The following ASTN2 variants were observed in gnomAD, a reference collection of about 807,000 sequenced individuals.
The protein encoded by ASTN2 is astrotactin-2.
In ASTN2, 54 loss-of-function variants were observed where a neutral mutation model predicts 139.8. The observed-to-expected ratio is 0.39, with a 90% CI of 0.31 to 0.48. The LOEUF (loss-of-function observed/expected upper bound fraction) is 0.48, where lower values mean the gene tolerates loss of function less well. ASTN2 is among the 20% of genes least tolerant of loss of function. The pLI, the probability that ASTN2 is intolerant of heterozygous loss-of-function variation, is 0.95. For missense variants in ASTN2, 1,565 were observed against 1,725.1 expected (o/e 0.91, Z 1.64); for synonymous variants, 756 against 719.5 (o/e 1.05, Z -0.81).
intron 16 of ASTN2, among the ~76,000 whole-genome samples, chr9:116,717,902 C>A (rs1030825991): frequency 6.6e-6 from 1 of 152,148 alleles, no homozygotes; most frequent in African/African-American, 2.4e-5. Context: ...CATTTATGAC[C>A]CTCCCAGGCT....
chr9:116,607,455 A>C (rs1855264609), intron 19 of ASTN2, among the ~76,000 whole-genome samples: 2 of 152,160 alleles, frequency 1.3e-5, no homozygotes, highest in African/African-American at 2.4e-5. Flanking sequence ...CAATCTTCTG[A>C]ATGGCTACAG....
chr9:116,914,713 C>T lies in ASTN2; in HGVS notation c.1890-50980G>A, dbSNP rs186407956. Among the ~76,000 whole-genome samples the T allele has an allele frequency of 8.8e-4, 134 of 151,964 alleles. 1 individual carries two copies. Among genetic ancestry groups the T allele is most frequent in the African/African-American group, 3.1e-3 (130 of 41,434 alleles). The stretch of plus-strand genomic sequence containing the variant: ...GCCACCCAACCCTGGGTGGCAGGAC[C>T]AAGAATTATGCCAGATGTCACTGGC... On this transcript the variant is annotated intron_variant, in intron 10 of 22. Coordinates refer to ENST00000313400, the MANE Select transcript of ASTN2 (RefSeq NM_001365068.1).
intron 4 of ASTN2, among the ~76,000 whole-genome samples, chr9:117,126,940 G>A (rs1829703583): frequency 6.6e-6 from 1 of 152,198 alleles, no homozygotes; most frequent in Non-Finnish European, 1.5e-5. Flanking sequence ...GAGACCCTGG[G>A]TAGGTAGTTA....
intron 10 of ASTN2, among the ~76,000 whole-genome samples, chr9:116,974,954 T>C (rs1836303712): frequency 6.6e-6 from 1 of 152,186 alleles, no homozygotes; most frequent in Non-Finnish European, 1.5e-5. Flanking sequence ...GATCCCATGA[T>C]GAGCTAGATA....
chr9:117,204,864 T>C (rs368291922), intron 3 of ASTN2, among the ~76,000 whole-genome samples: 13 of 152,284 alleles, frequency 8.5e-5, no homozygotes, highest in East Asian at 7.7e-4. Flanking sequence ...TAGGAAGATG[T>C]TTTCTGCCTT....
chr9:116,684,854 T>A (rs138532641), intron 16 of ASTN2, among the ~76,000 whole-genome samples: 6,907 of 152,264 alleles, frequency 0.045, 540 homozygotes, highest in African/African-American at 0.16. Context: ...GTAAAAGAGA[T>A]CTAACTTAAC....
At chr9:116,988,367 C>T (rs1836743145) in intron 7 of ASTN2, among the ~76,000 whole-genome samples, 2 of 152,178 alleles carry the variant, frequency 1.3e-5, no homozygotes, top group South Asian at 4.1e-4. Flanking sequence ...CCTGCTATTG[C>T]TATGACTACT....
intron 2 of ASTN2, among the ~76,000 whole-genome samples, chr9:117,263,527 T>G (rs550987303): frequency 6.6e-6 from 1 of 152,332 alleles, no homozygotes; most frequent in African/African-American, 2.4e-5. Context: ...AAAATAGAAC[T>G]GGAATTGGCT....
At chr9:117,301,962 C>A (rs1834885985) in intron 1 of ASTN2, among the ~76,000 whole-genome samples, 1 of 144,454 alleles carries the variant, frequency 6.9e-6, no homozygotes, top group Non-Finnish European at 1.5e-5. Flanking sequence ...GGAGATAATG[C>A]ATTGGAAGGA....
intron 20 of ASTN2, among the ~76,000 whole-genome samples, chr9:116,466,368 C>G (rs1564295873): frequency 6.6e-6 from 1 of 152,190 alleles, no homozygotes; most frequent in Non-Finnish European, 1.5e-5. Context: ...CTTATCTCTG[C>G]TCTGCAACAA....
chr9:116,891,544 A>G (rs60746934), intron 10 of ASTN2, among the ~76,000 whole-genome samples: 3,808 of 151,688 alleles, frequency 0.025, 150 homozygotes, highest in African/African-American at 0.085. Context: ...TGGGGGCCTA[A>G]AGAAGCACAT....
intron 3 of ASTN2, among the ~76,000 whole-genome samples, chr9:117,181,724 T>G (rs905550081): frequency 2.0e-5 from 3 of 152,182 alleles, no homozygotes; most frequent in Admixed American, 6.5e-5. Flanking sequence ...TCATGTGTAT[T>G]AAATAAAGAA....
intron 19 of ASTN2, among the ~76,000 whole-genome samples, chr9:116,601,728 T>C (rs959506730): frequency 1.3e-5 from 2 of 152,186 alleles, no homozygotes; most frequent in Non-Finnish European, 2.9e-5. Context: ...AGCAAACTTG[T>C]AGGGAGATGA....
intron 13 of ASTN2, among the ~76,000 whole-genome samples, chr9:116,743,136 G>T (rs1384001566): frequency 6.6e-6 from 1 of 152,206 alleles, no homozygotes; most frequent in Non-Finnish European, 1.5e-5. Flanking sequence ...AGACTGTTTG[G>T]TAAGGGGGAG....
rs574844143 is a variant in ASTN2, at chr9:117,187,525, T to A, written c.1015+26833A>T. The stretch of plus-strand genomic sequence containing the variant: ...GAAGATTCTGACCTCATTAATAGGT[T>A]AATCCACTCATGCATTAAAGGACTA... On this transcript the variant is annotated intron_variant, in intron 3 of 22. Transcript: ENST00000313400. Among the ~76,000 whole-genome samples, 4 of 152,332 alleles carry A rather than the reference T, an allele frequency of 2.6e-5. No individual in the cohort carries two copies. In the East Asian group the frequency reaches 7.7e-4, roughly 29 times the overall value.
intron 12 of ASTN2, among the ~76,000 whole-genome samples, chr9:116,815,816 A>AAAAAAAAAAAAAAAAAAAAAC (rs1564283204): frequency 1.4e-5 from 2 of 141,054 alleles, no homozygotes; most frequent in African/African-American, 5.8e-5. Context: ...AAAAAAAAAA[A>AAAAAAAAAAAAAAAAAAAAAC]AAAAAAAAAA....
chr9:116,626,938 A>G (rs1856497781), intron 17 of ASTN2, among the ~76,000 whole-genome samples: 1 of 152,210 alleles, frequency 6.6e-6, no homozygotes, highest in Admixed American at 6.5e-5. Context: ...TCATCAGCAT[A>G]TCTCCTCATA....
intron 1 of ASTN2, among the ~76,000 whole-genome samples, chr9:117,389,336 C>A (rs931303733): frequency 1.5e-4 from 23 of 152,168 alleles, no homozygotes; most frequent in African/African-American, 5.3e-4. Flanking sequence ...CATTACACTG[C>A]AGCTTGACCA....
At chr9:116,900,817 A>C (rs1360325035) in intron 10 of ASTN2, among the ~76,000 whole-genome samples, 1 of 152,126 alleles carries the variant, frequency 6.6e-6, no homozygotes, top group Non-Finnish European at 1.5e-5. Context: ...ACAGGAAATA[A>C]GTGGGAGGGG....
Sources: gnomAD v4.1 joint callset for allele counts (sites outside exome capture counted in the v4.1 genomes callset) on GRCh38, gnomAD v4.1.1 for gene constraint, MANE v1.5 for transcripts, NCBI Gene and HGNC (gene_info 2026-07-23, HGNC 2026-07-21) for gene names.